MALRD1: variants seen among roughly 807,000 people sequenced by gnomAD.
MALRD1 encodes MAM and LDL-receptor class A domain-containing protein 1.
A neutral mutation model predicts 242.1 loss-of-function variants in MALRD1; 247 were observed. The ratio of observed to expected loss-of-function variants is 1.02; its 90% confidence interval spans 0.92 to 1.13. The LOEUF is 1.13. Among genes scored for constraint, MALRD1 ranks in the 50% most tolerant of loss-of-function variants. MALRD1 has a pLI of 0.00. For missense variants in MALRD1, 2,989 were observed against 2,533.1 expected, an observed-to-expected ratio of 1.18 and a Z score of -3.86; for synonymous variants, 995 against 866.6, an observed-to-expected ratio of 1.15 and a Z score of -2.60.
intron 28 of MALRD1, among the ~76,000 whole-genome samples, chr10:19,392,138 A>G (rs1321398648): frequency 6.6e-6 from 1 of 152,208 alleles, no homozygotes; most frequent in Non-Finnish European, 1.5e-5. Context: ...GCATCCATAA[A>G]TATGTCATTT....
intron 36 of MALRD1, among the ~76,000 whole-genome samples, chr10:19,657,918 C>T (rs573004601): frequency 1.4e-3 from 218 of 152,134 alleles, no homozygotes; most frequent in Non-Finnish European, 2.5e-3. Flanking sequence ...GAGGCTGAGG[C>T]GGGTGGATCA....
chr10:19,323,209 G>A lies in MALRD1; in HGVS notation c.3420-740G>A, dbSNP rs1057421898. 3.9e-5 allele frequency among the ~76,000 whole-genome samples: 6 copies of A among 152,258 alleles called. No homozygotes were observed. In the East Asian group the frequency reaches 1.2e-3, roughly 29 times the overall value. On this transcript the variant is annotated intron_variant, in intron 21 of 39. Transcript: ENST00000454679. The stretch of plus-strand genomic sequence containing the variant: ...ATTTGAATGGAAACCCTTTGAGACT[G>A]ATAAGTTGAAGCCCAGACCGGTTTC...
At chr10:19,194,542 A>G (rs1836146287) in intron 14 of MALRD1, among the ~76,000 whole-genome samples, 1 of 152,076 alleles carries the variant, frequency 6.6e-6, no homozygotes, top group Non-Finnish European at 1.5e-5. Context: ...AGCTGTCTGG[A>G]CACTTCTATA....
intron 21 of MALRD1, among the ~76,000 whole-genome samples, chr10:19,313,744 G>A (rs1842525683): frequency 6.6e-6 from 1 of 151,364 alleles, no homozygotes; most frequent in East Asian, 1.9e-4. Flanking sequence ...TAATTTCTTA[G>A]ACTTTTTTAT....
chr10:19,546,012 C>G (rs1835192394), intron 32 of MALRD1, among the ~76,000 whole-genome samples: 2 of 152,178 alleles, frequency 1.3e-5, no homozygotes, highest in Non-Finnish European at 2.9e-5. Context: ...CCAAATCTCT[C>G]AAGAGAGTTA....
chr10:19,235,553 A>G (rs1038885492), intron 18 of MALRD1, among the ~76,000 whole-genome samples: 8 of 143,518 alleles, frequency 5.6e-5, no homozygotes, highest in African/African-American at 2.1e-4. Flanking sequence ...AATACTCAGG[A>G]CACACACACC....
intron 23 of MALRD1, among the ~76,000 whole-genome samples, chr10:19,328,956 G>A (rs1041304260): frequency 7.2e-5 from 11 of 152,152 alleles, no homozygotes; most frequent in Non-Finnish European, 1.3e-4. Flanking sequence ...TTCCACCCCA[G>A]GAGATGAAGT....
intron 33 of MALRD1, among the ~76,000 whole-genome samples, chr10:19,593,245 A>G (rs914787813): frequency 6.6e-6 from 1 of 152,180 alleles, no homozygotes; most frequent in Admixed American, 6.5e-5. Flanking sequence ...CGATGTCTCC[A>G]AGTCATACAT....
intron 27 of MALRD1, 110 bp downstream of exon 27, chr10:19,387,883 T>C: frequency 7.5e-7 from 1 of 1,327,714 alleles, no homozygotes; most frequent in Non-Finnish European, 1.0e-6. Flanking sequence ...ACGATGGTAT[T>C]GCAAGGCGAT....
intron 28 of MALRD1, among the ~76,000 whole-genome samples, chr10:19,390,905 T>C (rs1220118687): frequency 1.3e-5 from 2 of 152,188 alleles, no homozygotes; most frequent in East Asian, 3.9e-4. Flanking sequence ...TATTTAAAGA[T>C]GGAAACTTAC....
At chr10:19,165,265 ATTT>A (rs1456757761) in intron 12 of MALRD1, among the ~76,000 whole-genome samples, 1 of 130,308 alleles carries the variant, frequency 7.7e-6, no homozygotes, top group Non-Finnish European at 1.6e-5. Context: ...ATATATATAT[ATTT>A]TGTTTTGTTT....
Position 19,200,661 on chromosome 10 carries a change from T to TTTTGTTTGTTTTTG in MALRD1, c.1952-3064_1952-3063insGTTTGTTTTTGTTT, listed in dbSNP as rs1564462042. Among the ~76,000 whole-genome samples the TTTTGTTTGTTTTTG allele has an allele frequency of 5.0e-3, 734 of 147,032 alleles. 16 individuals are homozygous for TTTTGTTTGTTTTTG. The highest frequency in any genetic ancestry group is 0.018 in the African/African-American group (710 of 39,508). On this transcript the variant is annotated intron_variant, in intron 14 of 39. Transcript: ENST00000454679. ...CTGCTTGAGGTTTTTTTTTTTTTTT[T>TTTTGTTTGTTTTTG]TTTTTTTTTTGGCTTCTACATAAAT...
At chr10:19,197,822 C>A (rs1315761574) in intron 14 of MALRD1, among the ~76,000 whole-genome samples, 2 of 152,182 alleles carry the variant, frequency 1.3e-5, no homozygotes, top group Admixed American at 1.3e-4. Flanking sequence ...TGTCCACACC[C>A]CCCTGGCTTT....
chr10:19,265,997 A>T (rs1249086769), intron 19 of MALRD1, among the ~76,000 whole-genome samples: 1 of 151,788 alleles, frequency 6.6e-6, no homozygotes, highest in Non-Finnish European at 1.5e-5. Flanking sequence ...TTTTTTGCTT[A>T]AAGTATATTT....
At chr10:19,384,450 T>A (rs1588998747) in intron 26 of MALRD1, among the ~76,000 whole-genome samples, 1 of 117,046 alleles carries the variant, frequency 8.5e-6, no homozygotes, top group East Asian at 2.1e-4. Flanking sequence ...TTATATAGTA[T>A]ATATAATATA....
chr10:19,157,407 C>T (rs1270020982), intron 12 of MALRD1, among the ~76,000 whole-genome samples: 12 of 151,774 alleles, frequency 7.9e-5, no homozygotes, highest in Non-Finnish European at 1.3e-4. Context: ...ACACCACTCC[C>T]GGCTAATTTT....
At position 19,284,288 on chromosome 10, in the gene MALRD1, A is replaced by T. The variant is rs1192474769; in HGVS notation, c.3419+1107A>T. Among the ~76,000 whole-genome samples the T allele has an allele frequency of 2.7e-5, 4 of 150,860 alleles. No homozygotes were observed. In the East Asian group the frequency reaches 7.8e-4, roughly 30 times the overall value. On this transcript the variant is annotated intron_variant, in intron 21 of 39. Transcript: ENST00000454679. ...CATTATACTTTAAGTTTTAGGGTAC[A>T]TGTGCACATTGTGCAGGTTCGTTAC...
chr10:19,553,319 A>T (rs1449531744), intron 32 of MALRD1, among the ~76,000 whole-genome samples: 1 of 152,140 alleles, frequency 6.6e-6, no homozygotes, highest in Non-Finnish European at 1.5e-5. Flanking sequence ...ATATGTATGG[A>T]TATATGTATA....
chr10:19,584,018 G>A (rs535325195), intron 33 of MALRD1, among the ~76,000 whole-genome samples: 9 of 152,060 alleles, frequency 5.9e-5, no homozygotes, highest in East Asian at 1.9e-4. Flanking sequence ...GTGTAGAGGC[G>A]TTTGTAGTAT....
Sources: allele counts gnomAD v4.1 joint callset (sites outside exome capture counted in the v4.1 genomes callset), GRCh38; gene constraint gnomAD v4.1.1; transcripts MANE v1.5; gene names NCBI Gene and HGNC (gene_info 2026-07-23, HGNC 2026-07-21).